Variants in UCHL5 observed in about 807,000 individuals in gnomAD.
UCHL5 encodes ubiquitin C-terminal hydrolase L5, also known as ubiquitin carboxyl-terminal hydrolase isozyme L5.
UCHL5 carries 34 observed loss-of-function variants against 53.8 expected under a neutral mutation model. The ratio of observed to expected loss-of-function variants is 0.63; its 90% CI spans 0.48 to 0.84. The LOEUF (loss-of-function observed/expected upper bound fraction) is 0.84. UCHL5 is among the 40% of genes least tolerant of loss of function. UCHL5 has a pLI of 0.00. For synonymous variants in UCHL5, 111 were observed against 126.3 expected (o/e 0.88, Z 0.81); for missense variants, 290 against 385.6 (o/e 0.75, Z 2.08).
intron 9 of UCHL5, among the ~76,000 whole-genome samples, chr1:193,022,590 T>C (rs752997586): frequency 4.1e-4 from 59 of 145,366 alleles, no homozygotes; most frequent in Admixed American, 7.1e-4. Context: ...TGCTTGAACC[T>C]GGAAGGTGGA....
intron 6 of UCHL5, 122 bp downstream of exon 6, chr1:193,029,057 T>G: frequency 2.5e-6 from 3 of 1,178,058 alleles, no homozygotes; most frequent in Non-Finnish European, 3.6e-6. Context: ...AAGGCCTTCA[T>G]TATATTATGT....
Position 193,023,007 on chromosome 1 carries a change from A to ACTATTACCTTGAT in UCHL5, c.749_761dup (p.Ser254ArgfsTer4). On this transcript the variant is annotated stop_gained and frameshift_variant, in exon 9 of 11. Transcript: ENST00000367454. LOFTEE classifies it high-confidence loss of function. ...CTTCTGACTGAATAGCACTTAACAT[A>ACTATTACCTTGAT]CTATTACCTTGATCTGTATCCATGG... The ACTATTACCTTGAT allele has an allele frequency of 6.2e-7, 1 of 1,613,290 alleles. No individual in the cohort carries two copies. Among genetic ancestry groups the ACTATTACCTTGAT allele is most frequent in the Non-Finnish European group, 8.5e-7 (1 of 1,179,560 alleles).
At chr1:193,055,665 G>A (rs1670407919) in intron 1 of UCHL5, among the ~76,000 whole-genome samples, 1 of 152,002 alleles carries the variant, frequency 6.6e-6, no homozygotes, top group African/African-American at 2.4e-5. Flanking sequence ...TTGATTTTTT[G>A]GCTTATTAAT....
chr1:193,020,217 ATAT>A, intron 10 of UCHL5: 1 of 1,403,656 alleles, frequency 7.1e-7, no homozygotes, highest in Non-Finnish European at 9.3e-7. Context: ...CTCACATCTC[ATAT>A]TATTTAGAAT....
In UCHL5 at chr1:193,023,888, T is replaced by C; in HGVS notation, c.688A>G (p.Ile230Val). 1.2e-6 allele frequency: 2 copies of C among 1,613,196 alleles called. No individual in the cohort carries two copies. The highest frequency in any genetic ancestry group is 2.2e-5 in the East Asian group (1 of 44,816). ...AACTCTGCTATCTTCTGCTCATATA[T>C]CATTTTTCTGTCAGACACAATGGCC... ...LMAIVSDRKM[I>V]YEQKIAELQR... Residue 230 changes from isoleucine to valine, a missense_variant, in exon 8 of 11, where the codon ATA (isoleucine) becomes GTA (valine). By Grantham distance (29) the Ile-to-Val change is conservative. Coordinates refer to ENST00000367454, the MANE Select transcript of UCHL5 (RefSeq NM_001199261.3).
intron 3 of UCHL5, among the ~76,000 whole-genome samples, chr1:193,042,242 C>T (rs1221905047): frequency 2.0e-5 from 3 of 151,976 alleles, no homozygotes; most frequent in African/African-American, 7.3e-5. Flanking sequence ...CAGAATTCAA[C>T]ATAAGGGTTA....
At position 193,023,015 on chromosome 1, in the gene UCHL5, C is replaced by T; in HGVS notation, c.754G>A (p.Gly252Ser). 1 of 1,613,022 alleles carries T rather than the reference C, an allele frequency of 6.2e-7. No individual in the cohort carries two copies. Among genetic ancestry groups the T allele is most frequent in the Non-Finnish European group, 8.5e-7 (1 of 1,179,412 alleles). ...TGAATAGCACTTAACATACTATTAC[C>T]TTGATCTGTATCCATGGGTTCCTCC... is the stretch of plus-strand genomic sequence containing the variant. ...LAEEPMDTDQ[G>S]NSMLSAIQSE... The change falls in exon 9 of 11, where the codon GGT becomes AGT. Residue 252 changes from glycine (G) to serine (S), a missense_variant. Transcript: ENST00000367454.
intron 1 of UCHL5, among the ~76,000 whole-genome samples, chr1:193,058,385 C>T (rs544669693): frequency 6.6e-6 from 1 of 152,318 alleles, no homozygotes; most frequent in East Asian, 1.9e-4. Context: ...AAAGTTTTAA[C>T]ATCGTAGAGT....
chr1:193,050,435 CTT>C (rs1668643984), intron 2 of UCHL5, among the ~76,000 whole-genome samples: 1 of 152,068 alleles, frequency 6.6e-6, no homozygotes, highest in Admixed American at 6.5e-5. Flanking sequence ...CCACAAAAAA[CTT>C]TTCCTATCCT....
intron 7 of UCHL5, among the ~76,000 whole-genome samples, chr1:193,026,246 A>G (rs918774432): frequency 6.6e-6 from 1 of 152,198 alleles, no homozygotes; most frequent in African/African-American, 2.4e-5. Context: ...GAGACAAAGA[A>G]TTCTTAGACT....
chr1:193,051,937 A>T (rs1669185702), intron 1 of UCHL5, 120 bp from the exon 2 acceptor site: 1 of 657,538 alleles, frequency 1.5e-6, no homozygotes, highest in Non-Finnish European at 2.6e-6. Context: ...AAAACTAATA[A>T]AGCTCACAGC....
intron 3 of UCHL5, among the ~76,000 whole-genome samples, chr1:193,035,644 C>T (rs938799703): frequency 6.6e-6 from 1 of 152,008 alleles, no homozygotes; most frequent in African/African-American, 2.4e-5. Context: ...AAAACCAAAA[C>T]ATTTTAAGGT....
chr1:193,016,763 T>C (rs1253062674), intron 10 of UCHL5, among the ~76,000 whole-genome samples: 1 of 151,756 alleles, frequency 6.6e-6, no homozygotes, highest in African/African-American at 2.4e-5. Flanking sequence ...ATAAGAAAAA[T>C]CTTACATTAG....
At chr1:193,042,898 AACTT>A (rs1666066113) in intron 3 of UCHL5, among the ~76,000 whole-genome samples, 1 of 152,146 alleles carries the variant, frequency 6.6e-6, no homozygotes, top group South Asian at 2.1e-4. Flanking sequence ...GAATGAAGAC[AACTT>A]TCTTAGTGTC....
At chr1:193,040,742 TAA>T (rs1192660303) in intron 3 of UCHL5, among the ~76,000 whole-genome samples, 1 of 152,198 alleles carries the variant, frequency 6.6e-6, no homozygotes, top group African/African-American at 2.4e-5. Flanking sequence ...ATAATCAACT[TAA>T]GTGTCCATCA....
upstream of UCHL5, chr1:193,059,735 C>T (rs1672254939): frequency 7.4e-7 from 1 of 1,353,286 alleles, no homozygotes; most frequent in Non-Finnish European, 9.8e-7. The surrounding 1 kb of genome is among the most constrained non-coding windows in gnomAD (Gnocchi z 4.9). Context: ...AGGACTTCTC[C>T]TGGCGGCGCT....
intron 1 of UCHL5, among the ~76,000 whole-genome samples, chr1:193,052,042 A>G (rs1340459165): frequency 3.3e-5 from 5 of 152,096 alleles, no homozygotes; most frequent in Admixed American, 2.0e-4. Flanking sequence ...TCATTGAATT[A>G]CCACTCTATG....
intron 10 of UCHL5, among the ~76,000 whole-genome samples, chr1:193,019,724 A>C (rs1044312865): frequency 6.6e-6 from 1 of 151,880 alleles, no homozygotes; most frequent in Middle Eastern, 3.4e-3. Flanking sequence ...TGCTCTCAAA[A>C]AAATCTGGGG....
upstream of UCHL5, chr1:193,059,722 C>T: frequency 7.4e-7 from 1 of 1,353,296 alleles, no homozygotes; most frequent in Non-Finnish European, 9.8e-7. The surrounding 1 kb of genome is among the most constrained non-coding windows in gnomAD (Gnocchi z 4.9). Flanking sequence ...CCCAGCGCTG[C>T]GCAGGACTTC....
Sources: allele counts gnomAD v4.1 joint callset (sites outside exome capture counted in the v4.1 genomes callset), GRCh38; gene constraint gnomAD v4.1.1; non-coding constraint Gnocchi (gnomAD v3.1); transcripts MANE v1.5; gene names NCBI Gene and HGNC (gene_info 2026-07-23, HGNC 2026-07-21).